Variants in BOC observed in about 807,000 individuals in gnomAD.
BOC encodes brother of CDO.
BOC carries 76 observed loss-of-function variants against 112.0 expected under a neutral mutation model. The observed-to-expected ratio is 0.68, with a 90% CI of 0.56 to 0.82. BOC has a LOEUF of 0.82. Among genes scored for constraint, BOC ranks in the 40% least tolerant of loss-of-function variants. The pLI, the probability that BOC is intolerant of heterozygous loss-of-function variation, is 0.00. For missense variants in BOC, 1,309 were observed against 1,511.7 expected (o/e 0.87, Z 2.22); for synonymous variants, 580 against 599.8 (o/e 0.97, Z 0.48).
At chr3:113,236,990 C>G (rs1462118140) in intron 2 of BOC, among the ~76,000 whole-genome samples, 2 of 152,194 alleles carry the variant, frequency 1.3e-5, no homozygotes, top group Non-Finnish European at 2.9e-5. Flanking sequence ...GTAACTCACT[C>G]AAGGTGATCT....
At chr3:113,228,704 T>C (rs1169231278) in intron 2 of BOC, among the ~76,000 whole-genome samples, 1 of 152,126 alleles carries the variant, frequency 6.6e-6, no homozygotes, top group East Asian at 1.9e-4. Context: ...GTCCAGCTGC[T>C]CTGAGCTCCT....
Position 113,285,522 on chromosome 3 carries a change from C to CA in BOC, c.3118dup (p.Ser1040LysfsTer26). 6.2e-7 allele frequency: 1 copy of CA among 1,610,804 alleles called. No individual in the cohort carries two copies. Among genetic ancestry groups the CA allele is most frequent in the South Asian group, 1.1e-5 (1 of 90,308 alleles). ...AGTCAGGGGTGAGGAGAGCCCCCGA[C>CA]AGTCCTGTCCTGGAAGCAGTGTGGG... On this transcript the variant is annotated frameshift_variant, in exon 19 of 20. Coordinates refer to ENST00000682979, the MANE Select transcript of BOC (RefSeq NM_001378074.1). LOFTEE classifies it high-confidence loss of function.
chr3:113,228,364 G>A (rs1942023325), intron 2 of BOC, among the ~76,000 whole-genome samples: 1 of 152,070 alleles, frequency 6.6e-6, no homozygotes, highest in Non-Finnish European at 1.5e-5. Flanking sequence ...GGAGTACAGG[G>A]CTCCTGATTT....
At chr3:113,268,555 C>A in intron 5 of BOC, 110 bp downstream of exon 5, 6 of 1,049,826 alleles carry the variant, frequency 5.7e-6, no homozygotes, top group Non-Finnish European at 8.3e-6. Context: ...TCTCCCAAAC[C>A]CCCCTCAACA....
chr3:113,253,591 A>C (rs1945886448), intron 4 of BOC, among the ~76,000 whole-genome samples: 1 of 142,360 alleles, frequency 7.0e-6, no homozygotes, highest in Non-Finnish European at 1.5e-5. Context: ...CATACAGTAA[A>C]GTACACAAAG....
chr3:113,274,410 G>A lies in BOC; in HGVS notation c.1270G>A (p.Ala424Thr), dbSNP rs140794918. 1.3e-6 allele frequency: 2 copies of A among 1,574,280 alleles called. No homozygotes were observed. The highest frequency in any genetic ancestry group is 2.7e-5 in the African/African-American group (2 of 74,290). The change falls in exon 9 of 20, where the codon GCT becomes ACT. Residue 424 changes from alanine to threonine, a missense_variant. Ala to Thr is a moderately conservative substitution (Grantham distance 58). Coordinates refer to ENST00000682979, the MANE Select transcript of BOC (RefSeq NM_001378074.1). This position sits in a 1 kb window ranked among gnomAD's most constrained non-coding sequence, Gnocchi z 4.8. ...TPRLWQDAEL[A>T]TGTPPVSPSK... Reference sequence around the variant, plus strand: ...AAGGCTATGGCAGGATGCTGAGCTGGCTACTGGCACACCTCCTGTATCACC... The same window carrying A: ...AAGGCTATGGCAGGATGCTGAGCTGACTACTGGCACACCTCCTGTATCACC...
In BOC at chr3:113,271,600, C is replaced by T. The variant is rs114278013; in HGVS notation, c.667+656C>T. On this transcript the variant is annotated intron_variant, in intron 6 of 19. Coordinates refer to ENST00000682979, the MANE Select transcript of BOC (RefSeq NM_001378074.1). ...TCGTCTTTCACTCACTGACAGAAGC[C>T]TCACAAGGCCCTAACTTTGTATGTA... is the stretch of plus-strand genomic sequence containing the variant. The T allele has an allele frequency of 6.8e-3, 1,291 of 190,798 alleles. 12 individuals are homozygous for T. Among genetic ancestry groups the T allele is most frequent in the Non-Finnish European group, 8.9e-3 (807 of 90,754 alleles). 11.8% of individuals were successfully genotyped at this position (190,798 alleles called of 1,614,324 possible). A position where few individuals can be genotyped will look rare whatever the true frequency, so the allele number is the denominator to read the frequency against.
chr3:113,286,050 T>C (rs1051056029), intron 19 of BOC, among the ~76,000 whole-genome samples: 1 of 152,154 alleles, frequency 6.6e-6, no homozygotes, highest in Non-Finnish European at 1.5e-5. Context: ...CACGGAACTT[T>C]TTCTCCAAGG....
At chr3:113,271,497 T>C in intron 6 of BOC, 1 of 301,960 alleles carries the variant, frequency 3.3e-6, no homozygotes. Flanking sequence ...TTCAAAGGAG[T>C]GACATCTTAC....
In BOC at chr3:113,285,421, G is replaced by C. The variant is rs369262313; in HGVS notation, c.3016G>C (p.Asp1006His). The C allele has an allele frequency of 6.2e-7, 1 of 1,613,816 alleles. No individual in the cohort carries two copies. Among genetic ancestry groups the C allele is most frequent in the Non-Finnish European group, 8.5e-7 (1 of 1,179,896 alleles). Residue 1006 changes from aspartate (D) to histidine (H), a missense_variant, in exon 19 of 20, where the codon GAC becomes CAC. By Grantham distance (81) the Asp-to-His change is moderately conservative (BLOSUM62 -1). Transcript: ENST00000682979. Reference protein sequence around the residue: ...DEGSFLYTLPDDSTHQLLQPH... With the variant: ...DEGSFLYTLPHDSTHQLLQPH... ...GGGCTCTTTCTTATACACACTGCCC[G>C]ACGACTCCACTCACCAGCTGCTGCA... is the stretch of plus-strand genomic sequence containing the variant.
chr3:113,252,019 C>T (rs1478260726), intron 4 of BOC: 2 of 152,204 alleles, frequency 1.3e-5, no homozygotes, highest in East Asian at 3.9e-4. Flanking sequence ...GTGACTGCCA[C>T]TTGGTGTGCT....
In BOC at chr3:113,233,185, G is replaced by GTC. The variant is rs1474543379; in HGVS notation, c.-81-16536_-81-16535insCT. 7.3e-5 allele frequency among the ~76,000 whole-genome samples: 11 copies of GTC among 151,638 alleles called. No homozygotes were observed. In the East Asian group the frequency reaches 2.1e-3, roughly 29 times the overall value. On this transcript the variant is annotated intron_variant, in intron 2 of 19. Transcript: ENST00000682979. ...TGTGTGTGTGTGTGTGTGTGTGTGT[G>GTC]TGTGTGTGTGTCGGGGGTTGGAGCT...
chr3:113,231,453 C>T (rs909076957), intron 2 of BOC, among the ~76,000 whole-genome samples: 1 of 152,136 alleles, frequency 6.6e-6, no homozygotes, highest in Non-Finnish European at 1.5e-5. Context: ...CTTCAGGAAC[C>T]TCTTAGGCCA....
chr3:113,282,839 C>G (rs565051686), intron 15 of BOC, among the ~76,000 whole-genome samples: 35 of 152,172 alleles, frequency 2.3e-4, no homozygotes, highest in African/African-American at 8.2e-4. Flanking sequence ...CGAGGGCCAG[C>G]AGGGTCAGAT....
At chr3:113,225,958 C>T (rs1941590749) in intron 2 of BOC, among the ~76,000 whole-genome samples, 1 of 152,210 alleles carries the variant, frequency 6.6e-6, no homozygotes, top group Non-Finnish European at 1.5e-5. Flanking sequence ...AATCTCACTT[C>T]CTACATTCTG....
At chr3:113,233,623 G>A (rs939079290) in intron 2 of BOC, among the ~76,000 whole-genome samples, 17 of 151,990 alleles carry the variant, frequency 1.1e-4, no homozygotes, top group African/African-American at 3.1e-4. Context: ...TTGGTCTAAC[G>A]GTCAGTTGAA....
chr3:113,279,002 C>T, intron 11 of BOC: 1 of 635,116 alleles, frequency 1.6e-6, no homozygotes. Context: ...GCAGCAGAGG[C>T]CAGAGCTGTG....
intron 4 of BOC, chr3:113,261,868 GCTTT>G (rs1946916769): frequency 6.6e-6 from 1 of 151,728 alleles, no homozygotes; most frequent in African/African-American, 2.4e-5. Context: ...CCCAATCCCA[GCTTT>G]CTTCCACTGC....
At chr3:113,230,164 C>T (rs1576349183) in intron 2 of BOC, among the ~76,000 whole-genome samples, 1 of 152,262 alleles carries the variant, frequency 6.6e-6, no homozygotes, top group Non-Finnish European at 1.5e-5. Flanking sequence ...GTGCATATCA[C>T]CTGGATCCTA....
Sources: gnomAD v4.1 joint callset for allele counts (sites outside exome capture counted in the v4.1 genomes callset) on GRCh38, gnomAD v4.1.1 for gene constraint, Gnocchi (gnomAD v3.1) non-coding constraint, MANE v1.5 for transcripts, NCBI Gene and HGNC (gene_info 2026-07-23, HGNC 2026-07-21) for gene names.